Variants in PARK7 observed in about 807,000 individuals in gnomAD.
PARK7 encodes the protein Parkinsonism associated deglycase.
PARK7 carries 14 observed loss-of-function variants against 20.5 expected under a neutral mutation model. The observed-to-expected ratio is 0.68, with a 90% CI of 0.45 to 1.07. PARK7 has a LOEUF of 1.07. Ranked by LOEUF, PARK7 falls within the 50% of genes least tolerant of loss-of-function variation. The probability of loss-of-function intolerance (pLI) is 0.00; values close to 1 mark genes in which losing one functional copy is unlikely to be tolerated. For synonymous variants in PARK7, 98 were observed against 84.3 expected (o/e 1.16, Z -0.89); for missense variants, 234 against 238.1 (o/e 0.98, Z 0.11).
Position 7,962,761 on chromosome 1 carries a change from A to G in PARK7, c.-23-2A>G. On this transcript the variant is annotated splice_acceptor_variant, in intron 1 of 6. Coordinates refer to ENST00000338639, the MANE Select transcript of PARK7 (RefSeq NM_007262.5). LOFTEE classifies it low-confidence loss of function (5UTR_SPLICE). ...AAATCTTTTTTTTTTTTTTTTTTTA[A>G]GGCTTGTAAACATATAACATAAAAA... 1.5e-6 allele frequency: 2 copies of G among 1,307,186 alleles called. No homozygotes were observed. The highest frequency in any genetic ancestry group is 2.1e-6 in the Non-Finnish European group (2 of 940,646). The allele number at this position is 1,307,186 out of a possible 1,614,324, so 81.0% of individuals were successfully genotyped here.
chr1:7,977,682 G>C lies in PARK7; in HGVS notation c.353G>C (p.Gly118Ala). 1 of 1,614,110 alleles carries C rather than the reference G, an allele frequency of 6.2e-7. No individual in the cohort carries two copies. Among genetic ancestry groups the C allele is most frequent in the Non-Finnish European group, 8.5e-7 (1 of 1,179,984 alleles). The change falls in exon 6 of 7, where the codon GGT (glycine) becomes GCT (alanine). Residue 118 changes from glycine to alanine, a missense_variant. Physicochemically the swap from Gly to Ala is moderately conservative, Grantham distance 60 (BLOSUM62 0). Coordinates refer to ENST00000338639, the MANE Select transcript of PARK7 (RefSeq NM_007262.5). The part of the protein sequence containing the change: ...GPTALLAHEI[G>A]FGSKVTTHPL... ...ACTGCTCTGTTGGCTCATGAAATAG[G>C]TTTTGGAAGTAAAGTTACAACACAC...
At position 7,961,718 on chromosome 1, in the gene PARK7, T is replaced by C. The variant is rs226249; in HGVS notation, c.-99T>C. 100,611 of 153,016 alleles carry C rather than the reference T, an allele frequency of 0.66. 34,311 individuals carry two copies. The highest frequency in any genetic ancestry group is 0.84 in the African/African-American group (35,072 of 41,548). The allele number at this position is 153,016 out of a possible 1,614,324, so 9.5% of individuals were successfully genotyped here. A position where few individuals can be genotyped will look rare whatever the true frequency, so the allele number is the denominator to read the frequency against. ...GCGCGTGCGTGCTGGCGTGCGTTCA[T>C]TTTCAGCCTGGTGTGGGGTGAGTGG... On this transcript the variant is annotated 5_prime_UTR_variant, in exon 1 of 7. Coordinates refer to ENST00000338639, the MANE Select transcript of PARK7 (RefSeq NM_007262.5).
intron 4 of PARK7, among the ~76,000 whole-genome samples, chr1:7,970,208 A>G (rs1640435133): frequency 6.6e-6 from 1 of 152,098 alleles, no homozygotes; most frequent in Non-Finnish European, 1.5e-5. Context: ...AGAAAAAAAA[A>G]ATGTTGCCAT....
Position 7,977,632 on chromosome 1 carries a change from C to A in PARK7, c.323-20C>A, listed in dbSNP as rs1485592083. 7 of 1,606,154 alleles carry A rather than the reference C, an allele frequency of 4.4e-6. No individual in the cohort carries two copies. The highest frequency in any genetic ancestry group is 6.0e-6 in the Non-Finnish European group (7 of 1,173,414). Reference sequence around the variant, plus strand: ...GGCTTTTCTATATCTGCACTTAGATCTTTTTATTTTTATTCTTAGGTCCTA... The same window carrying A: ...GGCTTTTCTATATCTGCACTTAGATATTTTTATTTTTATTCTTAGGTCCTA... On this transcript the variant is annotated intron_variant, in intron 5 of 6. Coordinates refer to ENST00000338639, the MANE Select transcript of PARK7 (RefSeq NM_007262.5).
intron 6 of PARK7, among the ~76,000 whole-genome samples, chr1:7,978,986 T>C (rs945920623): frequency 1.3e-5 from 2 of 152,162 alleles, no homozygotes; most frequent in Non-Finnish European, 2.9e-5. Flanking sequence ...AATGTTAATA[T>C]CTTATGTTAT....
chr1:7,968,137 A>G (rs995281364), intron 3 of PARK7, among the ~76,000 whole-genome samples: 2 of 151,852 alleles, frequency 1.3e-5, no homozygotes, highest in Admixed American at 1.3e-4. Context: ...GTGAAACCCC[A>G]TCTTTACTAA....
intron 5 of PARK7, among the ~76,000 whole-genome samples, chr1:7,976,755 C>G (rs1640591312): frequency 6.6e-6 from 1 of 152,196 alleles, no homozygotes; most frequent in African/African-American, 2.4e-5. Context: ...GAGTCTCGCT[C>G]TGTCGCCCAG....
At chr1:7,974,214 CAGG>C (rs1486243524) in intron 5 of PARK7, among the ~76,000 whole-genome samples, 1 of 150,002 alleles carries the variant, frequency 6.7e-6, no homozygotes, top group African/African-American at 2.5e-5. Flanking sequence ...CCCAGCTACT[CAGG>C]AGGCTGAGGT....
At chr1:7,981,999 G>A (rs1481572655) in intron 6 of PARK7, among the ~76,000 whole-genome samples, 2 of 111,386 alleles carry the variant, frequency 1.8e-5, no homozygotes, top group Admixed American at 1.2e-4. Context: ...TTTTTGAGAC[G>A]GAGTCTTGCT....
At chr1:7,981,292 T>A (rs226258) in intron 6 of PARK7, among the ~76,000 whole-genome samples, 4 of 152,066 alleles carry the variant, frequency 2.6e-5, no homozygotes, top group Non-Finnish European at 5.9e-5. Context: ...ACCTAGCTTC[T>A]GTAACGCCAC....
chr1:7,985,138 A>AG lies in PARK7; in HGVS notation c.*86dup, dbSNP rs1411779779. The AG allele has an allele frequency of 1.3e-6, 2 of 1,540,524 alleles. No homozygotes were observed. The highest frequency in any genetic ancestry group is 4.8e-5 in the East Asian group (2 of 42,008). ...TGTTCGCTCTAAACAAAACAGTGGT[A>AG]GGTTAATGTGTTCAGAAGTCGCTGT... On this transcript the variant is annotated 3_prime_UTR_variant, in exon 7 of 7. Transcript: ENST00000338639.
intron 4 of PARK7, 82 bp downstream of exon 4, chr1:7,969,486 G>T (rs561017138): frequency 4.2e-6 from 4 of 945,382 alleles, no homozygotes; most frequent in Non-Finnish European, 6.6e-6. Context: ...CTTATGTTCT[G>T]TTAATTTTGT....
In PARK7 at chr1:7,969,444, G is replaced by C. The variant is rs756391911; in HGVS notation, c.252+40G>C. The C allele has an allele frequency of 5.8e-5, 62 of 1,073,794 alleles. 2 individuals carry two copies. In the South Asian group the frequency reaches 7.4e-4, roughly 13 times the overall value. 66.5% of individuals were successfully genotyped at this position (1,073,794 alleles called of 1,614,324 possible). A position where few individuals can be genotyped will look rare whatever the true frequency, so the allele number is the denominator to read the frequency against. On this transcript the variant is annotated intron_variant, in intron 4 of 6. Transcript: ENST00000338639. Reference sequence around the variant, plus strand: ...TCAATTATACCTCAATAAAGCTGGGGGGGGGGAAAAACTAAAGAATTTCAG... The same window carrying C: ...TCAATTATACCTCAATAAAGCTGGGCGGGGGGAAAAACTAAAGAATTTCAG...
At chr1:7,964,401 T>C (rs928385462) in intron 2 of PARK7, among the ~76,000 whole-genome samples, 1 of 152,186 alleles carries the variant, frequency 6.6e-6, no homozygotes, top group Non-Finnish European at 1.5e-5. Flanking sequence ...CCAGAGTCTG[T>C]TAACCCTATA....
chr1:7,984,301 T>C lies in PARK7; in HGVS notation c.410-593T>C, dbSNP rs225119. Among the ~76,000 whole-genome samples, 101,206 of 152,024 alleles carry C rather than the reference T, an allele frequency of 0.67. 35,117 individuals carry two copies. The highest frequency in any genetic ancestry group is 0.87 in the African/African-American group (36,015 of 41,488). The stretch of plus-strand genomic sequence containing the variant: ...GGGCAGAGCTCAGGGCATCCATGCT[T>C]AAGAGTCCCAGTTTTGGTATTATAT... On this transcript the variant is annotated intron_variant, in intron 6 of 6. Coordinates refer to ENST00000338639, the MANE Select transcript of PARK7 (RefSeq NM_007262.5). The surrounding 1 kb of genome is among the most constrained non-coding windows in gnomAD (Gnocchi z 4.3).
rs2124005749 is a variant in PARK7 at position 7,984,873 on chromosome 1, TTTTCTG to T, written c.410-15_410-10del. ...TCACATAGCCCATTAGGATGTCACC[TTTTCTG>T]TTTCTACTTTGCAGGTCATTACACC... On this transcript the variant is annotated splice_polypyrimidine_tract_variant and intron_variant, in intron 6 of 6. Coordinates refer to ENST00000338639, the MANE Select transcript of PARK7 (RefSeq NM_007262.5). This position sits in a 1 kb window ranked among gnomAD's most constrained non-coding sequence, Gnocchi z 4.3. 1 of 1,613,868 alleles carries T rather than the reference TTTTCTG, an allele frequency of 6.2e-7. No homozygotes were observed. The highest frequency in any genetic ancestry group is 2.2e-5 in the East Asian group (1 of 44,874).
rs1008558888 is a variant in PARK7, at chr1:7,984,507, T to A, written c.410-387T>A. 6.6e-6 allele frequency among the ~76,000 whole-genome samples: 1 copy of A among 152,208 alleles called. No homozygotes were observed. The highest frequency in any genetic ancestry group is 2.4e-5 in the African/African-American group (1 of 41,442). On this transcript the variant is annotated intron_variant, in intron 6 of 6. Coordinates refer to ENST00000338639, the MANE Select transcript of PARK7 (RefSeq NM_007262.5). The surrounding 1 kb of genome is among the most constrained non-coding windows in gnomAD (Gnocchi z 4.3). Reference sequence around the variant, plus strand: ...GGTGTGCGTGCCGCCACATGTTGATTGGGGTGGCTTCTGCGTTCAGCGCTG... The same window carrying A: ...GGTGTGCGTGCCGCCACATGTTGATAGGGGTGGCTTCTGCGTTCAGCGCTG...
intron 4 of PARK7, among the ~76,000 whole-genome samples, chr1:7,970,538 G>A (rs758981856): frequency 1.3e-5 from 2 of 152,198 alleles, no homozygotes; most frequent in African/African-American, 2.4e-5. Context: ...AGACACAAGG[G>A]ATCTTTTCCT....
At chr1:7,976,619 C>T (rs1640588833) in intron 5 of PARK7, among the ~76,000 whole-genome samples, 1 of 152,250 alleles carries the variant, frequency 6.6e-6, no homozygotes, top group Non-Finnish European at 1.5e-5. Flanking sequence ...ACTTCACAGG[C>T]TATCTCCTTC....
Sources: allele counts gnomAD v4.1 joint callset (sites outside exome capture counted in the v4.1 genomes callset), GRCh38; gene constraint gnomAD v4.1.1; non-coding constraint Gnocchi (gnomAD v3.1); transcripts MANE v1.5; gene names NCBI Gene and HGNC (gene_info 2026-07-23, HGNC 2026-07-21).